The following CTNNA2 variants were observed in gnomAD, a reference collection of about 807,000 sequenced individuals.
The protein encoded by CTNNA2 is catenin alpha 2.
A neutral mutation model predicts 101.0 loss-of-function variants in CTNNA2; 42 were observed. That is an observed-to-expected ratio of 0.42 (90% CI 0.32 to 0.54). The LOEUF (loss-of-function observed/expected upper bound fraction) is 0.54. Among genes scored for constraint, CTNNA2 ranks in the 20% least tolerant of loss-of-function variants. The pLI is 0.14. For missense variants in CTNNA2, 871 were observed against 1,223.1 expected, an observed-to-expected ratio of 0.71 and a Z score of 4.29; for synonymous variants, 450 against 456.4, an observed-to-expected ratio of 0.99 and a Z score of 0.18.
At chr2:79,719,098 T>C (rs906395821) in intron 2 of CTNNA2, among the ~76,000 whole-genome samples, 9 of 152,134 alleles carry the variant, frequency 5.9e-5, no homozygotes, top group African/African-American at 2.2e-4. Context: ...TATGTTTATA[T>C]GTGCTTAGTG....
intron 7 of CTNNA2, among the ~76,000 whole-genome samples, chr2:80,041,814 C>A (rs937510344): frequency 1.3e-5 from 2 of 152,022 alleles, no homozygotes; most frequent in Admixed American, 6.6e-5. Context: ...TCTAGACATG[C>A]GGATTTAAGA....
chr2:79,355,526 T>C (rs1427719876), intron 3 of CTNNA2, among the ~76,000 whole-genome samples: 1 of 152,146 alleles, frequency 6.6e-6, no homozygotes, highest in Non-Finnish European at 1.5e-5. Context: ...TGTTATTCAA[T>C]AATCACCTTA....
At chr2:79,967,209 A>G (rs1287531735) in intron 7 of CTNNA2, among the ~76,000 whole-genome samples, 1 of 152,086 alleles carries the variant, frequency 6.6e-6, no homozygotes, top group Admixed American at 6.6e-5. Context: ...TGTGTAAACT[A>G]GAATCATTGT....
rs539385081 is a variant in CTNNA2 at position 80,238,052 on chromosome 2, C to T, written c.1057-155159C>T. ...GGTATCTGTGCCGTCCAAGGACAAG[C>T]TTTAAGGAATGAGCATACCTCATCT... is the stretch of plus-strand genomic sequence containing the variant. On this transcript the variant is annotated intron_variant, in intron 7 of 18. Transcript: ENST00000402739. Among the ~76,000 whole-genome samples, 9 of 152,118 alleles carry T rather than the reference C, an allele frequency of 5.9e-5. No homozygotes were observed. In the East Asian group the frequency reaches 1.7e-3, roughly 29 times the overall value.
At chr2:79,291,990 C>A (rs532507851) in intron 2 of CTNNA2, among the ~76,000 whole-genome samples, 1 of 151,676 alleles carries the variant, frequency 6.6e-6, no homozygotes, top group Non-Finnish European at 1.5e-5. Context: ...CTTCAGATAC[C>A]CAGGGCTTTT....
chr2:79,634,139 A>G (rs1380775543), intron 1 of CTNNA2, among the ~76,000 whole-genome samples: 1 of 152,226 alleles, frequency 6.6e-6, no homozygotes, highest in Non-Finnish European at 1.5e-5. Context: ...GCTGAGAGGT[A>G]CAGATATAAC....
At chr2:79,189,000 C>T (rs1413368157) in intron 1 of CTNNA2, among the ~76,000 whole-genome samples, 2 of 152,094 alleles carry the variant, frequency 1.3e-5, no homozygotes, top group East Asian at 1.9e-4. Flanking sequence ...AAACCACACC[C>T]GGTCAATACA....
intron 18 of CTNNA2, among the ~76,000 whole-genome samples, chr2:80,627,580 T>G (rs62152011): frequency 0.052 from 7,940 of 152,274 alleles, 207 homozygotes; most frequent in African/African-American, 0.066. Flanking sequence ...CTTGTAAATT[T>G]AAGTTCTTTG....
intron 2 of CTNNA2, among the ~76,000 whole-genome samples, chr2:79,712,982 C>G (rs1265260047): frequency 6.6e-6 from 1 of 152,186 alleles, no homozygotes; most frequent in Non-Finnish European, 1.5e-5. Context: ...TAGCAATATT[C>G]ATCAACAGAT....
At chr2:79,973,075 AC>A (rs1446367082) in intron 7 of CTNNA2, among the ~76,000 whole-genome samples, 2 of 152,052 alleles carry the variant, frequency 1.3e-5, no homozygotes, top group African/African-American at 2.4e-5. Context: ...AAGAGAAAAA[AC>A]AATCCGTTTT....
Position 80,563,048 on chromosome 2 carries a change from C to CAA in CTNNA2, c.1741+7168_1741+7169dup, listed in dbSNP as rs869143884. Among the ~76,000 whole-genome samples, 278 of 66,242 alleles carry CAA rather than the reference C, an allele frequency of 4.2e-3. 2 individuals carry two copies. The highest frequency in any genetic ancestry group is 0.013 in the African/African-American group (265 of 20,696). The allele number at this position is 66,242 out of a possible 152,430, so 43.5% of individuals were successfully genotyped here. On this transcript the variant is annotated intron_variant, in intron 12 of 18. Coordinates refer to ENST00000402739, the MANE Select transcript of CTNNA2 (RefSeq NM_001282597.3). ...TAGTGCCTGTTTGTCAAAGTACAAC[C>CAA]AAAAAAAAAAAAAAGAAAGACATGA... is the stretch of plus-strand genomic sequence containing the variant.
At chr2:80,645,774 G>A (rs1307486029) in intron 18 of CTNNA2, among the ~76,000 whole-genome samples, 1 of 152,114 alleles carries the variant, frequency 6.6e-6, no homozygotes, top group African/African-American at 2.4e-5. Flanking sequence ...ATAAACGAAA[G>A]AGTATGGGGT....
chr2:80,404,616 T>G (rs1678893079), intron 8 of CTNNA2, among the ~76,000 whole-genome samples: 1 of 152,212 alleles, frequency 6.6e-6, no homozygotes, highest in African/African-American at 2.4e-5. Context: ...TTTTGTGGAC[T>G]TATTTGTTAA....
intron 2 of CTNNA2, among the ~76,000 whole-genome samples, chr2:79,290,779 T>C (rs1440848720): frequency 6.6e-6 from 1 of 152,114 alleles, no homozygotes; most frequent in African/African-American, 2.4e-5. Flanking sequence ...GAGGGCTTTT[T>C]CCACTCAATA....
At chr2:79,359,240 G>A (rs761521922) in intron 3 of CTNNA2, among the ~76,000 whole-genome samples, 4 of 152,174 alleles carry the variant, frequency 2.6e-5, no homozygotes, top group African/African-American at 7.2e-5. Flanking sequence ...TGCTGCAAGA[G>A]GGGTGTTGTG....
At position 80,000,124 on chromosome 2, in the gene CTNNA2, A is replaced by T. The variant is rs563494207; in HGVS notation, c.1056+90327A>T. 2.3e-4 allele frequency among the ~76,000 whole-genome samples: 35 copies of T among 152,290 alleles called. No homozygotes were observed. In the East Asian group the frequency reaches 5.0e-3, roughly 22 times the overall value. On this transcript the variant is annotated intron_variant, in intron 7 of 18. Transcript: ENST00000402739. ...CTGATGGGATGTGGAGAGCAAAGTT[A>T]AAAGAAACTCAAAAACAACTCCCTG... is the stretch of plus-strand genomic sequence containing the variant.
In CTNNA2 at chr2:79,779,504, T is replaced by C. The variant is rs74594039; in HGVS notation, c.298+34922T>C. Among the ~76,000 whole-genome samples, 84 of 152,358 alleles carry C rather than the reference T, an allele frequency of 5.5e-4. 2 individuals are homozygous for C. The East Asian group carries it at 0.015, about 27-fold the overall frequency. ...ACATGTCATTCTTTCTTTTCATCCT[T>C]GTCCTACCCTTATTAACTCTGACCT... On this transcript the variant is annotated intron_variant, in intron 3 of 18. Transcript: ENST00000402739.
intron 9 of CTNNA2, among the ~76,000 whole-genome samples, chr2:80,442,595 A>G (rs1682692614): frequency 1.3e-5 from 2 of 152,178 alleles, no homozygotes; most frequent in African/African-American, 4.8e-5. Flanking sequence ...GAGCAAGAGG[A>G]TGATCCACTG....
At chr2:80,349,087 T>G (rs1191722810) in intron 7 of CTNNA2, among the ~76,000 whole-genome samples, 1 of 152,204 alleles carries the variant, frequency 6.6e-6, no homozygotes. Flanking sequence ...GAAAGGCACT[T>G]AACAAAGCAG....
Sources: allele counts gnomAD v4.1 joint callset (sites outside exome capture counted in the v4.1 genomes callset), GRCh38; gene constraint gnomAD v4.1.1; transcripts MANE v1.5; gene names NCBI Gene and HGNC (gene_info 2026-07-23, HGNC 2026-07-21).